Variants in SH3RF1 observed in about 807,000 individuals in gnomAD.
SH3RF1 encodes the protein E3 ubiquitin-protein ligase SH3RF1.
SH3RF1 carries 32 observed loss-of-function variants against 74.0 expected under a neutral mutation model. The observed-to-expected ratio is 0.43, with a 90% CI of 0.33 to 0.58. The LOEUF is 0.58. SH3RF1 is among the 20% of genes least tolerant of loss of function. The pLI is 0.05. For missense variants in SH3RF1, 954 were observed against 1,130.9 expected, an observed-to-expected ratio of 0.84 and a Z score of 2.24; for synonymous variants, 396 against 439.6, an observed-to-expected ratio of 0.90 and a Z score of 1.24.
intron 2 of SH3RF1, among the ~76,000 whole-genome samples, chr4:169,182,526 A>AAT (rs1437214263): frequency 2.0e-5 from 3 of 152,224 alleles, no homozygotes; most frequent in Admixed American, 6.5e-5. Context: ...AGGTAACATA[A>AAT]ACCAACTTCT....
At chr4:169,264,966 A>T (rs1235046017) in intron 2 of SH3RF1, among the ~76,000 whole-genome samples, 1 of 151,996 alleles carries the variant, frequency 6.6e-6, no homozygotes, top group African/African-American at 2.4e-5. Flanking sequence ...ATATCATTTC[A>T]CCCTTAAGAT....
At chr4:169,128,380 C>T (rs1294152003) in intron 6 of SH3RF1, among the ~76,000 whole-genome samples, 1 of 152,168 alleles carries the variant, frequency 6.6e-6, no homozygotes, top group African/African-American at 2.4e-5. Flanking sequence ...CTTCGCCAAG[C>T]AGCTGTACTA....
chr4:169,253,760 A>C (rs557065866), intron 2 of SH3RF1, among the ~76,000 whole-genome samples: 1 of 152,360 alleles, frequency 6.6e-6, no homozygotes, highest in African/African-American at 2.4e-5. Context: ...CAAGCAGAGA[A>C]ATTATAAGGT....
At chr4:169,269,368 T>TCA (rs3072487) in intron 1 of SH3RF1, 61 bp from the exon 2 acceptor site, 705,279 of 717,226 alleles carry the variant, frequency 0.98, 347,675 homozygotes, top group East Asian at 1. Context: ...GGGAAAAAGT[T>TCA]CAAAGGAGCC....
chr4:169,212,158 G>A lies in SH3RF1; in HGVS notation c.394-55479C>T, dbSNP rs981760021. Among the ~76,000 whole-genome samples, 12 of 140,396 alleles carry A rather than the reference G, an allele frequency of 8.5e-5. No individual in the cohort carries two copies. In the South Asian group the frequency reaches 2.1e-3, roughly 24 times the overall value. The allele number at this position is 140,396 out of a possible 152,430, so 92.1% of individuals were successfully genotyped here. A position where few individuals can be genotyped will look rare whatever the true frequency, so the allele number is the denominator to read the frequency against. On this transcript the variant is annotated intron_variant, in intron 2 of 11. Transcript: ENST00000284637. The stretch of plus-strand genomic sequence containing the variant: ...CAGCTCACTGCAACCCCCGCCTCCC[G>A]GGTTCAAGCGATTCTCCTGCCTCAG...
chr4:169,201,962 G>A (rs185338825), intron 2 of SH3RF1: 13 of 152,326 alleles, frequency 8.5e-5, no homozygotes, highest in Non-Finnish European at 1.5e-4. Context: ...AGCTCTGACA[G>A]CTATGAGAGA....
intron 10 of SH3RF1, among the ~76,000 whole-genome samples, chr4:169,108,815 C>T (rs535289080): frequency 6.8e-4 from 103 of 152,314 alleles, no homozygotes; most frequent in African/African-American, 2.3e-3. Flanking sequence ...ACCTCTCTAT[C>T]TCACCCAGTG....
chr4:169,114,874 A>G (rs1391007748), intron 10 of SH3RF1, among the ~76,000 whole-genome samples: 1 of 152,202 alleles, frequency 6.6e-6, no homozygotes, highest in African/African-American at 2.4e-5. Context: ...AAATAGAACG[A>G]CATACATTAC....
intron 2 of SH3RF1, among the ~76,000 whole-genome samples, chr4:169,163,762 C>T (rs868391021): frequency 1.3e-5 from 2 of 152,300 alleles, no homozygotes; most frequent in South Asian, 4.1e-4. Context: ...TTCATACATG[C>T]CATCTCTCCT....
intron 2 of SH3RF1, among the ~76,000 whole-genome samples, chr4:169,217,751 C>A (rs1730490507): frequency 6.6e-6 from 1 of 152,080 alleles, no homozygotes; most frequent in African/African-American, 2.4e-5. Context: ...GCTAAAAAAA[C>A]TCTATAGATG....
chr4:169,233,822 C>T (rs376179416), intron 2 of SH3RF1, among the ~76,000 whole-genome samples: 3 of 152,156 alleles, frequency 2.0e-5, no homozygotes, highest in African/African-American at 4.8e-5. Flanking sequence ...CATTAAGAGA[C>T]GTAATTGAAA....
At chr4:169,260,989 T>C (rs1731269164) in intron 2 of SH3RF1, among the ~76,000 whole-genome samples, 1 of 152,210 alleles carries the variant, frequency 6.6e-6, no homozygotes, top group Non-Finnish European at 1.5e-5. Context: ...ACTCACTTAT[T>C]CACTCATTTA....
intron 2 of SH3RF1, among the ~76,000 whole-genome samples, chr4:169,213,031 T>C (rs1730406002): frequency 1.3e-5 from 2 of 152,222 alleles, no homozygotes; most frequent in Admixed American, 6.5e-5. Context: ...GACATAAGTT[T>C]TCGACTAACT....
chr4:169,138,297 G>A (rs1014081707), intron 4 of SH3RF1, among the ~76,000 whole-genome samples: 1 of 152,188 alleles, frequency 6.6e-6, no homozygotes. Flanking sequence ...TGGAGGGGTA[G>A]GGTCCTCTTT....
chr4:169,183,367 G>A (rs112001275), intron 2 of SH3RF1, among the ~76,000 whole-genome samples: 2,526 of 152,210 alleles, frequency 0.017, 72 homozygotes, highest in African/African-American at 0.056. Context: ...TGCAACCTCC[G>A]CCTCCCGGGT....
At chr4:169,187,026 T>A (rs74868312) in intron 2 of SH3RF1, among the ~76,000 whole-genome samples, 22 of 137,972 alleles carry the variant, frequency 1.6e-4, no homozygotes, top group African/African-American at 4.7e-4. Context: ...AAAAAAAAAA[T>A]GAAAAAGAAA....
intron 10 of SH3RF1, among the ~76,000 whole-genome samples, chr4:169,110,707 G>A (rs917418951): frequency 2.0e-5 from 3 of 152,206 alleles, no homozygotes; most frequent in African/African-American, 7.2e-5. Flanking sequence ...GGAATTTGGG[G>A]GCGGGGGATT....
chr4:169,177,611 T>C (rs1350360069), intron 2 of SH3RF1, among the ~76,000 whole-genome samples: 1 of 152,220 alleles, frequency 6.6e-6, no homozygotes, highest in Non-Finnish European at 1.5e-5. Flanking sequence ...CTAAAAGAAC[T>C]ATGTTAGATG....
Position 169,188,909 on chromosome 4 carries a change from C to T in SH3RF1, c.394-32230G>A, listed in dbSNP as rs535792749. Among the ~76,000 whole-genome samples, 10 of 152,266 alleles carry T rather than the reference C, an allele frequency of 6.6e-5. No homozygotes were observed. In the South Asian group the frequency reaches 2.1e-3, roughly 32 times the overall value. On this transcript the variant is annotated intron_variant, in intron 2 of 11. Coordinates refer to ENST00000284637, the MANE Select transcript of SH3RF1 (RefSeq NM_020870.4). ...ACTAAGAAAATAGTTTATCAATGTA[C>T]CACTTGTAACTGACTTTTTCAATGG...
Sources: gnomAD v4.1 joint callset for allele counts (sites outside exome capture counted in the v4.1 genomes callset) on GRCh38, gnomAD v4.1.1 for gene constraint, MANE v1.5 for transcripts, NCBI Gene and HGNC (gene_info 2026-07-23, HGNC 2026-07-21) for gene names.